ZFPM2: variants seen among roughly 807,000 people sequenced by gnomAD.
ZFPM2 encodes zinc finger protein, FOG family member 2, also known as zinc finger protein ZFPM2.
ZFPM2 carries 20 observed loss-of-function variants against 98.6 expected under a neutral mutation model. The ratio of observed to expected loss-of-function variants is 0.20; its 90% CI spans 0.14 to 0.29. ZFPM2 has a LOEUF of 0.29. Among genes scored for constraint, ZFPM2 ranks in the 10% least tolerant of loss-of-function variants. The pLI is 1.00. For missense variants in ZFPM2, 1,310 were observed against 1,388.6 expected, an observed-to-expected ratio of 0.94 and a Z score of 0.90; for synonymous variants, 518 against 502.7, an observed-to-expected ratio of 1.03 and a Z score of -0.41.
Position 105,455,918 on chromosome 8 carries a change from A to G in ZFPM2, c.301+11537A>G, listed in dbSNP as rs114747774. ...GGGGCTTGGAAGAAAGGTCTGGGGT[A>G]GAGATAGAAATTGGAGAGTTAGCAG... On this transcript the variant is annotated intron_variant, in intron 3 of 7. Coordinates refer to ENST00000407775, the MANE Select transcript of ZFPM2 (RefSeq NM_012082.4). Among the ~76,000 whole-genome samples, 354 of 152,240 alleles carry G rather than the reference A, an allele frequency of 2.3e-3. 3 individuals are homozygous for G. The highest frequency in any genetic ancestry group is 8.0e-3 in the African/African-American group (332 of 41,560).
At chr8:105,605,699 T>C (rs1020576940) in intron 4 of ZFPM2, among the ~76,000 whole-genome samples, 7 of 152,278 alleles carry the variant, frequency 4.6e-5, no homozygotes, top group Admixed American at 2.6e-4. Context: ...TTTCTCATTC[T>C]TCTATGAGAA....
At chr8:105,684,968 C>G (rs1219217208) in intron 5 of ZFPM2, 3 of 152,034 alleles carry the variant, frequency 2.0e-5, no homozygotes, top group Non-Finnish European at 1.5e-5. Context: ...ATAACTTTAT[C>G]ATTCACACTG....
At chr8:105,756,851 G>A (rs912287796) in intron 5 of ZFPM2, among the ~76,000 whole-genome samples, 11 of 152,124 alleles carry the variant, frequency 7.2e-5, no homozygotes, top group East Asian at 1.9e-4. Flanking sequence ...TGCTAAACCC[G>A]TGTGATCAAT....
chr8:105,480,944 GT>G (rs1813102975), intron 3 of ZFPM2, among the ~76,000 whole-genome samples: 1 of 152,028 alleles, frequency 6.6e-6, no homozygotes, highest in Admixed American at 6.6e-5. Flanking sequence ...TAGAGACGGG[GT>G]TTCACTGTGT....
rs1812463192 is a variant in ZFPM2 at position 105,450,475 on chromosome 8, A to G, written c.301+6094A>G. 3.3e-5 allele frequency among the ~76,000 whole-genome samples: 5 copies of G among 152,306 alleles called. No individual in the cohort carries two copies. The South Asian group carries it at 1.0e-3, about 32-fold the overall frequency. ...GTCTGACAGTAAGAAGAATATTGTG[A>G]GAAGCGGAGGAAATCCTAGAATGAC... is the stretch of plus-strand genomic sequence containing the variant. On this transcript the variant is annotated intron_variant, in intron 3 of 7. Transcript: ENST00000407775.
At chr8:105,425,825 G>A (rs1811896375) in intron 2 of ZFPM2, among the ~76,000 whole-genome samples, 1 of 152,160 alleles carries the variant, frequency 6.6e-6, no homozygotes, top group Non-Finnish European at 1.5e-5. Flanking sequence ...TTTGTCTAGA[G>A]TCTTAATAAC....
At position 105,753,171 on chromosome 8, in the gene ZFPM2, C is replaced by T. The variant is rs535517539; in HGVS notation, c.533-35547C>T. On this transcript the variant is annotated intron_variant, in intron 5 of 7. Transcript: ENST00000407775. ...GCCTGGAATTAGCTGCAATTTCCAC[C>T]ATGACAAGTGACTTTTTTGTTACAT... 1.5e-4 allele frequency among the ~76,000 whole-genome samples: 23 copies of T among 152,248 alleles called. No individual in the cohort carries two copies. The South Asian group carries it at 4.6e-3, about 30-fold the overall frequency.
intron 5 of ZFPM2, among the ~76,000 whole-genome samples, chr8:105,736,062 G>A (rs1025154114): frequency 7.2e-5 from 11 of 151,990 alleles, no homozygotes; most frequent in East Asian, 2.0e-4. Context: ...TTTTTATTGC[G>A]ATAGTATTAA....
At chr8:105,765,919 G>A (rs1460636167) in intron 5 of ZFPM2, among the ~76,000 whole-genome samples, 1 of 151,798 alleles carries the variant, frequency 6.6e-6, no homozygotes, top group African/African-American at 2.4e-5. Context: ...TGGCATTTCT[G>A]GAAATTGTTT....
chr8:105,715,572 G>A (rs984946983), intron 5 of ZFPM2, among the ~76,000 whole-genome samples: 3 of 151,814 alleles, frequency 2.0e-5, no homozygotes, highest in African/African-American at 7.3e-5. Context: ...TAACAAATAT[G>A]TATATTGTTT....
rs574250479 is a variant in ZFPM2, at chr8:105,773,328, C to A, written c.533-15390C>A. On this transcript the variant is annotated intron_variant, in intron 5 of 7. Transcript: ENST00000407775. ...CTGTCATATAATAATTCAAAATTTGCCTTAGGATAGAAATCTAGTAACCTT... is the reference window on the plus strand; with the variant it reads ...CTGTCATATAATAATTCAAAATTTGACTTAGGATAGAAATCTAGTAACCTT... Among the ~76,000 whole-genome samples the A allele has an allele frequency of 2.6e-5, 4 of 151,950 alleles. No individual in the cohort carries two copies. In the South Asian group the frequency reaches 8.3e-4, roughly 32 times the overall value.
intron 1 of ZFPM2, among the ~76,000 whole-genome samples, chr8:105,395,586 G>A (rs1302377130): frequency 6.6e-6 from 1 of 152,102 alleles, no homozygotes; most frequent in East Asian, 1.9e-4. Context: ...ATCAAAATGA[G>A]CACACTTCTC....
intron 1 of ZFPM2, among the ~76,000 whole-genome samples, chr8:105,341,690 T>C (rs1812434154): frequency 6.6e-6 from 1 of 152,016 alleles, no homozygotes; most frequent in South Asian, 2.1e-4. Flanking sequence ...ACTACTGTTG[T>C]AGTAGCAGTT....
Position 105,754,224 on chromosome 8 carries a change from G to C in ZFPM2, c.533-34494G>C, listed in dbSNP as rs139226566. Among the ~76,000 whole-genome samples, 699 of 152,156 alleles carry C rather than the reference G, an allele frequency of 4.6e-3. 3 individuals carry two copies. Among genetic ancestry groups the C allele is most frequent in the Non-Finnish European group, 6.9e-3 (471 of 68,000 alleles). On this transcript the variant is annotated intron_variant, in intron 5 of 7. Coordinates refer to ENST00000407775, the MANE Select transcript of ZFPM2 (RefSeq NM_012082.4). ...ATTGGGGCAAATTACAGTTATACAC[G>C]ATGAGGGAGGTGGTCCCTTCATTTC... is the stretch of plus-strand genomic sequence containing the variant.
chr8:105,461,902 C>T (rs1407058883), intron 3 of ZFPM2, among the ~76,000 whole-genome samples: 6 of 152,010 alleles, frequency 3.9e-5, no homozygotes, highest in South Asian at 2.1e-4. Flanking sequence ...GCCTGGTCTC[C>T]GGAGATTGTG....
chr8:105,450,750 ATAT>A (rs1227705352), intron 3 of ZFPM2, among the ~76,000 whole-genome samples: 5 of 152,064 alleles, frequency 3.3e-5, no homozygotes, highest in African/African-American at 4.8e-5. Flanking sequence ...GGTCAGGAAA[ATAT>A]TATAACAAAG....
chr8:105,375,140 G>T (rs1281331243), intron 1 of ZFPM2, among the ~76,000 whole-genome samples: 1 of 151,980 alleles, frequency 6.6e-6, no homozygotes, highest in Non-Finnish European at 1.5e-5. Flanking sequence ...CCAGTCCATG[G>T]CAGCCTGGAT....
intron 3 of ZFPM2, among the ~76,000 whole-genome samples, chr8:105,485,312 T>G (rs528716153): frequency 1.3e-5 from 2 of 150,702 alleles, no homozygotes; most frequent in South Asian, 2.1e-4. Context: ...TGTTTGTTTG[T>G]TTGTTTTTGA....
intron 3 of ZFPM2, among the ~76,000 whole-genome samples, chr8:105,535,750 T>C (rs1814436858): frequency 6.6e-6 from 1 of 152,190 alleles, no homozygotes; most frequent in South Asian, 2.1e-4. Flanking sequence ...AGTTTAACTC[T>C]GTCTTCTTTC....
Sources: allele counts gnomAD v4.1 joint callset (sites outside exome capture counted in the v4.1 genomes callset), GRCh38; gene constraint gnomAD v4.1.1; transcripts MANE v1.5; gene names NCBI Gene and HGNC (gene_info 2026-07-23, HGNC 2026-07-21).